GYPE: variants seen among roughly 807,000 people sequenced by gnomAD.
GYPE encodes the protein glycophorin-E.
Under a neutral mutation model 11.6 loss-of-function variants are expected in GYPE, and 8 were observed. That is an observed-to-expected ratio of 0.69 (90% confidence interval 0.41 to 1.25). The LOEUF (loss-of-function observed/expected upper bound fraction) is 1.25. Among genes scored for constraint, GYPE ranks in the 50% most tolerant of loss-of-function variants. The pLI is 0.01. For synonymous variants in GYPE, 28 were observed against 29.6 expected, an observed-to-expected ratio of 0.94 and a Z score of 0.18; for missense variants, 90 against 92.8, an observed-to-expected ratio of 0.97 and a Z score of 0.12.
intron 1 of GYPE, among the ~76,000 whole-genome samples, chr4:143,883,462 A>G (rs997274843): frequency 5.6e-5 from 8 of 144,098 alleles, no homozygotes; most frequent in African/African-American, 2.0e-4. Flanking sequence ...AATAATTTAA[A>G]TAATAAATTT....
intron 1 of GYPE, among the ~76,000 whole-genome samples, chr4:143,901,903 A>G (rs1200645811): frequency 6.6e-6 from 1 of 152,062 alleles, no homozygotes; most frequent in Non-Finnish European, 1.5e-5. Flanking sequence ...AAAGGAGTTC[A>G]CAGTGGGTGT....
intron 3 of GYPE, among the ~76,000 whole-genome samples, chr4:143,874,076 A>G (rs1341052684): frequency 6.6e-6 from 1 of 152,116 alleles, no homozygotes; most frequent in Admixed American, 6.6e-5. Flanking sequence ...TGTACTAGCA[A>G]CTGTCTTGTT....
chr4:143,885,681 C>T (rs1440840348), intron 1 of GYPE, among the ~76,000 whole-genome samples: 1 of 149,802 alleles, frequency 6.7e-6, no homozygotes, highest in Non-Finnish European at 1.5e-5. Flanking sequence ...TTGGGAATTT[C>T]TAACATTGAA....
chr4:143,903,951 C>G (rs376341515), intron 1 of GYPE, among the ~76,000 whole-genome samples: 76 of 152,244 alleles, frequency 5.0e-4, no homozygotes, highest in African/African-American at 1.6e-3. Flanking sequence ...GTTTGGTTTG[C>G]CCCATGGAGC....
chr4:143,897,360 T>C (rs941233420), intron 1 of GYPE, among the ~76,000 whole-genome samples: 32 of 151,794 alleles, frequency 2.1e-4, no homozygotes, highest in Non-Finnish European at 4.4e-5. Context: ...TCTCAGCTAC[T>C]TGAGAGGCAG....
In GYPE at chr4:143,900,232, A is replaced by G. The variant is rs1378480050; in HGVS notation, c.37+5239T>C. 3.7e-5 allele frequency among the ~76,000 whole-genome samples: 5 copies of G among 134,598 alleles called. No individual in the cohort carries two copies. In the East Asian group the frequency reaches 1.2e-3, roughly 31 times the overall value. The allele number at this position is 134,598 out of a possible 152,430, so 88.3% of individuals were successfully genotyped here. ...ATGAGTTATCAGGAAAATGCAAGAA[A>G]CCACAGTGAAAAACCATTTCATACC... On this transcript the variant is annotated intron_variant, in intron 1 of 3. Transcript: ENST00000358615.
At chr4:143,904,823 T>A (rs1361349893) in intron 1 of GYPE, among the ~76,000 whole-genome samples, 2 of 152,198 alleles carry the variant, frequency 1.3e-5, no homozygotes, top group Non-Finnish European at 2.9e-5. Context: ...ATACACTAAA[T>A]TAATAATTAA....
At chr4:143,875,346 A>C (rs1743754270) in intron 3 of GYPE, 8 of 830,902 alleles carry the variant, frequency 9.6e-6, no homozygotes, top group Non-Finnish European at 1.5e-5. Context: ...TTTATTTAGA[A>C]GTAGAGAATA....
intron 1 of GYPE, among the ~76,000 whole-genome samples, chr4:143,895,494 A>T (rs1344872152): frequency 6.7e-6 from 1 of 150,000 alleles, no homozygotes; most frequent in Non-Finnish European, 1.5e-5. Context: ...CCACTGCTCA[A>T]TGAAATAAAA....
At chr4:143,874,214 GT>G (rs1743714389) in intron 3 of GYPE, among the ~76,000 whole-genome samples, 1 of 152,074 alleles carries the variant, frequency 6.6e-6, no homozygotes, top group African/African-American at 2.4e-5. Context: ...TAGAAAAAAA[GT>G]GTAAAGAAAA....
At chr4:143,875,440 T>C in intron 3 of GYPE, 2 of 1,550,310 alleles carry the variant, frequency 1.3e-6, no homozygotes, top group Non-Finnish European at 1.7e-6. Context: ...CCAGTTTGCA[T>C]AAGCAAGAGA....
chr4:143,879,511 G>A, intron 2 of GYPE, among the ~76,000 whole-genome samples: 1 of 152,090 alleles, frequency 6.6e-6, no homozygotes, highest in Non-Finnish European at 1.5e-5. Context: ...TGGGTTTTCT[G>A]TCACAAAAGC....
chr4:143,881,268 T>G (rs1356432474), intron 1 of GYPE, among the ~76,000 whole-genome samples: 2 of 151,896 alleles, frequency 1.3e-5, no homozygotes, highest in African/African-American at 4.8e-5. Flanking sequence ...TCTCATTAAA[T>G]AAATTGTGAA....
chr4:143,903,524 CAA>C (rs11400558), intron 1 of GYPE, among the ~76,000 whole-genome samples: 4 of 98,860 alleles, frequency 4.0e-5, no homozygotes, highest in African/African-American at 1.6e-4. Flanking sequence ...TTTTTCATAG[CAA>C]AAAAAAAAAA....
intron 1 of GYPE, among the ~76,000 whole-genome samples, chr4:143,896,965 C>G (rs543790300): frequency 6.7e-6 from 1 of 149,640 alleles, no homozygotes; most frequent in African/African-American, 2.5e-5. Context: ...AATGAGAACA[C>G]ATGGACACAG....
intron 1 of GYPE, among the ~76,000 whole-genome samples, chr4:143,893,968 C>G (rs1443030703): frequency 6.6e-6 from 1 of 152,142 alleles, no homozygotes; most frequent in East Asian, 1.9e-4. Flanking sequence ...CAGATTTGGT[C>G]TTTTCACATA....
At chr4:143,902,901 A>G (rs1744922209) in intron 1 of GYPE, among the ~76,000 whole-genome samples, 1 of 152,102 alleles carries the variant, frequency 6.6e-6, no homozygotes, top group South Asian at 2.1e-4. Context: ...TTGAAGTGAT[A>G]TAGTACTGTA....
chr4:143,879,678 G>A (rs1315100387), intron 2 of GYPE, among the ~76,000 whole-genome samples: 1 of 152,180 alleles, frequency 6.6e-6, no homozygotes, highest in Non-Finnish European at 1.5e-5. Flanking sequence ...ACTATGAGCT[G>A]GATATGTGTC....
At chr4:143,876,222 T>C (rs4835059) in intron 3 of GYPE, among the ~76,000 whole-genome samples, 38,369 of 151,766 alleles carry the variant, frequency 0.25, 5,047 homozygotes, top group East Asian at 0.36. Flanking sequence ...GAAGCAATCC[T>C]CCCACTTCAG....
Sources: gnomAD v4.1 joint callset for allele counts (sites outside exome capture counted in the v4.1 genomes callset) on GRCh38, gnomAD v4.1.1 for gene constraint, MANE v1.5 for transcripts, NCBI Gene and HGNC (gene_info 2026-07-23, HGNC 2026-07-21) for gene names.